Variants in FHIT observed in about 807,000 individuals in gnomAD.
The protein encoded by FHIT is fragile histidine triad diadenosine triphosphatase.
In FHIT, 19 loss-of-function variants were observed where a neutral mutation model predicts 17.9. That is an observed-to-expected ratio of 1.06 (90% CI 0.74 to 1.56). The LOEUF (loss-of-function observed/expected upper bound fraction) is 1.56. Ranked by LOEUF, FHIT falls within the 40% of genes most tolerant of loss-of-function variation. FHIT has a pLI of 0.00. For synonymous variants in FHIT, 81 were observed against 69.7 expected (o/e 1.16, Z -0.81); for missense variants, 248 against 189.2 (o/e 1.31, Z -1.82).
chr3:59,954,832 A>G (rs1010033157), intron 7 of FHIT, among the ~76,000 whole-genome samples: 2 of 152,168 alleles, frequency 1.3e-5, no homozygotes, highest in Non-Finnish European at 2.9e-5. Context: ...AAACGAAGAA[A>G]CCAAAAACCC....
In FHIT at chr3:59,766,191, A is replaced by G. The variant is rs1172812612; in HGVS notation, c.349-13870T>C. On this transcript the variant is annotated intron_variant, in intron 8 of 9. Coordinates refer to ENST00000492590, the MANE Select transcript of FHIT (RefSeq NM_002012.4). Reference sequence around the variant, plus strand: ...GCAATGGGTTTGCAGATACTCATTAACATCATTAAACATAACTACTTACAC... The same window carrying G: ...GCAATGGGTTTGCAGATACTCATTAGCATCATTAAACATAACTACTTACAC... Among the ~76,000 whole-genome samples the G allele has an allele frequency of 9.2e-5, 14 of 152,190 alleles. No individual in the cohort carries two copies. The East Asian group carries it at 2.7e-3, about 29-fold the overall frequency.
At chr3:59,987,251 G>GT (rs1709026119) in intron 7 of FHIT, among the ~76,000 whole-genome samples, 1 of 150,800 alleles carries the variant, frequency 6.6e-6, no homozygotes, top group Non-Finnish European at 1.5e-5. Context: ...CTCTGTAAAA[G>GT]TTTTCATCAT....
chr3:61,117,537 C>A (rs2036334179), intron 2 of FHIT, among the ~76,000 whole-genome samples: 1 of 152,102 alleles, frequency 6.6e-6, no homozygotes, highest in Admixed American at 6.5e-5. Flanking sequence ...TATAAAAGGA[C>A]AAAGGAATGC....
chr3:59,986,518 TATATATATATATATATATATATACACAC>T (rs1200028371), intron 7 of FHIT, among the ~76,000 whole-genome samples: 28,101 of 49,712 alleles, frequency 0.57, 6,657 homozygotes, highest in East Asian at 0.81. Flanking sequence ...TATATATATA[TATATATATATATATATATATATACACAC>T]ACACACACAC....
chr3:60,009,352 C>G (rs890999996), intron 7 of FHIT, among the ~76,000 whole-genome samples: 1 of 152,022 alleles, frequency 6.6e-6, no homozygotes, highest in African/African-American at 2.4e-5. Context: ...ACAGCATAAC[C>G]TGCTGATTTA....
intron 5 of FHIT, among the ~76,000 whole-genome samples, chr3:60,280,153 A>T (rs902898334): frequency 6.6e-6 from 1 of 152,128 alleles, no homozygotes; most frequent in Non-Finnish European, 1.5e-5. Context: ...ACAGAAAAGC[A>T]CTGACAAAAT....
intron 7 of FHIT, among the ~76,000 whole-genome samples, chr3:59,945,973 C>T (rs1294131524): frequency 6.6e-6 from 1 of 152,230 alleles, no homozygotes; most frequent in East Asian, 1.9e-4. Context: ...ATGCCTCCAG[C>T]TTCACTTTTT....
chr3:60,445,450 C>G, intron 5 of FHIT, among the ~76,000 whole-genome samples: 1 of 150,778 alleles, frequency 6.6e-6, no homozygotes, highest in South Asian at 2.1e-4. Context: ...TGATGGCAAG[C>G]TATCCACTTT....
intron 5 of FHIT, among the ~76,000 whole-genome samples, chr3:60,468,779 ACTTT>A (rs2032932185): frequency 6.6e-6 from 1 of 152,076 alleles, no homozygotes; most frequent in Non-Finnish European, 1.5e-5. Context: ...TAAGTTTTCT[ACTTT>A]CAGATAGTTT....
intron 2 of FHIT, among the ~76,000 whole-genome samples, chr3:61,160,081 A>C (rs772066769): frequency 4.6e-5 from 7 of 152,224 alleles, no homozygotes; most frequent in Admixed American, 1.3e-4. Flanking sequence ...TACAATCACC[A>C]GGCTTTTCAT....
chr3:60,861,171 T>TGATATATA (rs1358617646), intron 3 of FHIT, among the ~76,000 whole-genome samples: 4 of 526 alleles, frequency 7.6e-3, no homozygotes, highest in African/African-American at 0.012. Context: ...ATATCATATG[T>TGATATATA]TCTATGATAT....
intron 8 of FHIT, among the ~76,000 whole-genome samples, chr3:59,762,914 C>T (rs1218054252): frequency 1.3e-5 from 2 of 152,198 alleles, no homozygotes; most frequent in Admixed American, 6.5e-5. Context: ...TTTCTAAAAA[C>T]ATGCTCACTG....
At chr3:60,288,086 G>A (rs1707812920) in intron 5 of FHIT, among the ~76,000 whole-genome samples, 1 of 152,184 alleles carries the variant, frequency 6.6e-6, no homozygotes, top group Non-Finnish European at 1.5e-5. Context: ...AGACTTGGCT[G>A]AAGCTGAAGC....
intron 4 of FHIT, among the ~76,000 whole-genome samples, chr3:60,561,773 C>A (rs755710077): frequency 6.6e-6 from 1 of 152,146 alleles, no homozygotes; most frequent in Admixed American, 6.5e-5. Context: ...CCAAATGGTA[C>A]AGGCTTTGGC....
intron 8 of FHIT, among the ~76,000 whole-genome samples, chr3:59,855,670 A>C (rs1038859741): frequency 1.3e-5 from 2 of 152,246 alleles, no homozygotes; most frequent in African/African-American, 4.8e-5. Flanking sequence ...TAGCAAAAGA[A>C]AAACCACAAT....
At chr3:60,124,434 C>T (rs1474102178) in intron 5 of FHIT, among the ~76,000 whole-genome samples, 2 of 152,014 alleles carry the variant, frequency 1.3e-5, no homozygotes, top group African/African-American at 4.8e-5. Flanking sequence ...TTGTGTCTTT[C>T]TTCATCCTTG....
intron 2 of FHIT, among the ~76,000 whole-genome samples, chr3:61,168,510 T>C (rs575513851): frequency 6.6e-6 from 1 of 152,352 alleles, no homozygotes; most frequent in South Asian, 2.1e-4. Flanking sequence ...TCTGGCCCTG[T>C]GTCCCAGTGA....
intron 7 of FHIT, among the ~76,000 whole-genome samples, chr3:59,970,481 C>T (rs113876152): frequency 3.2e-4 from 49 of 152,126 alleles, no homozygotes; most frequent in African/African-American, 1.1e-3. Context: ...TTTTACCTTT[C>T]AAAGACAAGC....
In FHIT at chr3:61,232,295, G is replaced by A. The variant is rs4435637; in HGVS notation, c.-213+19006C>T. ...CCAGCTTCTTGGGAGGCTGAGGCAC[G>A]AGAATCGCTTGAACCAGGGAGGTGG... On this transcript the variant is annotated intron_variant, in intron 1 of 9. Transcript: ENST00000492590. Among the ~76,000 whole-genome samples the A allele has an allele frequency of 2.6e-5, 4 of 152,356 alleles. No homozygotes were observed. In the South Asian group the frequency reaches 6.2e-4, roughly 24 times the overall value.
Sources: allele counts gnomAD v4.1 joint callset (sites outside exome capture counted in the v4.1 genomes callset), GRCh38; gene constraint gnomAD v4.1.1; transcripts MANE v1.5; gene names NCBI Gene and HGNC (gene_info 2026-07-23, HGNC 2026-07-21).